The following EXOC4 variants were observed in gnomAD, a reference collection of about 807,000 sequenced individuals.
The protein encoded by EXOC4 is exocyst complex component 4.
Under a neutral mutation model 107.2 loss-of-function variants are expected in EXOC4, and 71 were observed. That is an observed-to-expected ratio of 0.66 (90% CI 0.55 to 0.81). EXOC4 has a LOEUF of 0.81. EXOC4 is among the 30% of genes least tolerant of loss of function. The pLI is 0.00. For synonymous variants in EXOC4, 456 were observed against 441.2 expected, an observed-to-expected ratio of 1.03 and a Z score of -0.42; for missense variants, 1,108 against 1,189.6, an observed-to-expected ratio of 0.93 and a Z score of 1.01.
chr7:133,318,736 T>C (rs1795045242), intron 5 of EXOC4, among the ~76,000 whole-genome samples: 1 of 152,204 alleles, frequency 6.6e-6, no homozygotes, highest in Non-Finnish European at 1.5e-5. Flanking sequence ...TAAAATTGTT[T>C]TAGGATTATT....
intron 12 of EXOC4, among the ~76,000 whole-genome samples, chr7:133,915,368 T>G (rs1015696880): frequency 2.0e-5 from 3 of 152,180 alleles, no homozygotes; most frequent in Non-Finnish European, 4.4e-5. Flanking sequence ...AGAGCCTAAC[T>G]AGAGGAATTA....
At chr7:134,095,864 C>G in the EXOC4 span, among the ~76,000 whole-genome samples, 1 of 152,010 alleles carries the variant, frequency 6.6e-6, no homozygotes, top group South Asian at 2.1e-4. Context: ...TTTAAGAATC[C>G]TAGAAGAAAA....
intron 5 of EXOC4, 55 bp downstream of exon 5, chr7:133,317,445 T>C (rs1795016158): frequency 7.9e-7 from 1 of 1,268,210 alleles, no homozygotes; most frequent in Non-Finnish European, 1.1e-6. Context: ...AGTTCCTAGG[T>C]AGATATCTGG....
At chr7:133,951,918 G>T (rs776394201) in intron 14 of EXOC4, among the ~76,000 whole-genome samples, 1 of 152,144 alleles carries the variant, frequency 6.6e-6, no homozygotes, top group Non-Finnish European at 1.5e-5. Context: ...CTACCACTCT[G>T]GGGGGCCAAG....
intron 14 of EXOC4, among the ~76,000 whole-genome samples, chr7:133,954,500 C>A (rs536524621): frequency 6.6e-6 from 1 of 152,166 alleles, no homozygotes; most frequent in South Asian, 2.1e-4. Context: ...TGTATTAGTA[C>A]CAGTATATAT....
chr7:133,531,433 C>T (rs762223046), intron 9 of EXOC4, among the ~76,000 whole-genome samples: 1 of 152,110 alleles, frequency 6.6e-6, no homozygotes, highest in Non-Finnish European at 1.5e-5. Flanking sequence ...CTTCTGACTA[C>T]AGATCATTGA....
rs985235621 is a variant in EXOC4 at position 133,308,558 on chromosome 7, A to G, written c.656+2497A>G. Among the ~76,000 whole-genome samples, 4 of 152,298 alleles carry G rather than the reference A, an allele frequency of 2.6e-5. No individual in the cohort carries two copies. In the South Asian group the frequency reaches 8.3e-4, roughly 32 times the overall value. Reference sequence around the variant, plus strand: ...TGAGAAAGTAAATTTCTGTTGTCTAAGCTATCCAGTCTGTGTTACTTTATT... The same window carrying G: ...TGAGAAAGTAAATTTCTGTTGTCTAGGCTATCCAGTCTGTGTTACTTTATT... On this transcript the variant is annotated intron_variant, in intron 4 of 17. Coordinates refer to ENST00000253861, the MANE Select transcript of EXOC4 (RefSeq NM_021807.4).
intron 10 of EXOC4, among the ~76,000 whole-genome samples, chr7:133,659,017 T>G (rs1803368444): frequency 7.0e-6 from 1 of 142,326 alleles, no homozygotes; most frequent in Non-Finnish European, 1.5e-5. Context: ...TTTTTTTTTT[T>G]TTTTTTTTTT....
intron 12 of EXOC4, among the ~76,000 whole-genome samples, chr7:133,898,927 G>A (rs922719493): frequency 2.0e-5 from 3 of 150,808 alleles, no homozygotes; most frequent in African/African-American, 7.3e-5. Flanking sequence ...GCAGTGAGTT[G>A]AGATTGCACC....
rs1333129864 is a variant in EXOC4, at chr7:133,255,635, G to A, written c.86+2448G>A. On this transcript the variant is annotated intron_variant, in intron 1 of 17. Coordinates refer to ENST00000253861, the MANE Select transcript of EXOC4 (RefSeq NM_021807.4). The stretch of plus-strand genomic sequence containing the variant: ...GTTATATATGACCTTAAGACCGAAT[G>A]GTGTTGGTGTTTGTATTTCAACATT... Among the ~76,000 whole-genome samples, 4 of 152,224 alleles carry A rather than the reference G, an allele frequency of 2.6e-5. No homozygotes were observed. The East Asian group carries it at 7.7e-4, about 29-fold the overall frequency.
chr7:133,740,848 G>A (rs146333694), intron 10 of EXOC4, among the ~76,000 whole-genome samples: 314 of 152,252 alleles, frequency 2.1e-3, no homozygotes, highest in African/African-American at 7.2e-3. Context: ...GACCCTGTTC[G>A]ATGAGTAGGC....
intron 10 of EXOC4, among the ~76,000 whole-genome samples, chr7:133,806,614 T>C (rs1256146424): frequency 6.6e-6 from 1 of 152,198 alleles, no homozygotes; most frequent in African/African-American, 2.4e-5. Context: ...AGTCTATTGA[T>C]TGTCATCCCC....
At chr7:133,473,294 A>T (rs534665665) in intron 7 of EXOC4, among the ~76,000 whole-genome samples, 1 of 152,306 alleles carries the variant, frequency 6.6e-6, no homozygotes, top group African/African-American at 2.4e-5. Context: ...ATATTATTTC[A>T]TCCACATACC....
chr7:133,690,220 A>G (rs1011954441), intron 10 of EXOC4, among the ~76,000 whole-genome samples: 1 of 152,220 alleles, frequency 6.6e-6, no homozygotes, highest in Admixed American at 6.5e-5. Context: ...GTCCAAACCA[A>G]TAGCCTCCTG....
intron 10 of EXOC4, among the ~76,000 whole-genome samples, chr7:133,709,665 T>C (rs1359150468): frequency 1.2e-5 from 1 of 83,272 alleles, no homozygotes; most frequent in Non-Finnish European, 2.5e-5. Context: ...TTTTTTTTTT[T>C]TCAAAGTGGT....
intron 7 of EXOC4, among the ~76,000 whole-genome samples, chr7:133,394,449 G>C (rs1796925934): frequency 6.6e-6 from 1 of 152,096 alleles, no homozygotes. Context: ...AGAATCATCA[G>C]AGCTTCTATT....
At chr7:133,454,328 T>C (rs1798415038) in intron 7 of EXOC4, among the ~76,000 whole-genome samples, 1 of 152,222 alleles carries the variant, frequency 6.6e-6, no homozygotes, top group African/African-American at 2.4e-5. Flanking sequence ...AGACAAAGTC[T>C]TACTGTGTTG....
At chr7:133,617,193 T>C (rs1802213774) in intron 9 of EXOC4, among the ~76,000 whole-genome samples, 1 of 152,170 alleles carries the variant, frequency 6.6e-6, no homozygotes, top group African/African-American at 2.4e-5. Context: ...TTTTGGATTA[T>C]TTATAGTGAT....
At chr7:133,565,048 AG>A (rs1800880755) in intron 9 of EXOC4, among the ~76,000 whole-genome samples, 1 of 152,134 alleles carries the variant, frequency 6.6e-6, no homozygotes, top group African/African-American at 2.4e-5. Flanking sequence ...GTCGAGTTTT[AG>A]TTAGAGTTAG....
Sources: allele counts gnomAD v4.1 joint callset (sites outside exome capture counted in the v4.1 genomes callset), GRCh38; gene constraint gnomAD v4.1.1; transcripts MANE v1.5; gene names NCBI Gene and HGNC (gene_info 2026-07-23, HGNC 2026-07-21).